PXDNL: variants seen among roughly 807,000 people sequenced by gnomAD.
PXDNL encodes the protein peroxidasin like.
PXDNL carries 145 observed loss-of-function variants against 150.8 expected under a neutral mutation model. The observed-to-expected ratio is 0.96, with a 90% confidence interval of 0.84 to 1.10. The LOEUF (loss-of-function observed/expected upper bound fraction) is 1.10, where lower values mean the gene tolerates loss of function less well. Ranked by LOEUF, PXDNL falls within the 50% of genes least tolerant of loss-of-function variation. PXDNL has a pLI of 0.00. For missense variants in PXDNL, 2,087 were observed against 1,873.9 expected (o/e 1.11, Z -2.10); for synonymous variants, 757 against 725.7 (o/e 1.04, Z -0.69).
chr8:51,686,072 C>A (rs1815865740), intron 1 of PXDNL, among the ~76,000 whole-genome samples: 1 of 152,214 alleles, frequency 6.6e-6, no homozygotes, highest in African/African-American at 2.4e-5. Flanking sequence ...CATCCTCTGC[C>A]ACTAATATTC....
intron 4 of PXDNL, among the ~76,000 whole-genome samples, chr8:51,531,655 G>A (rs1208582487): frequency 2.0e-5 from 3 of 152,208 alleles, no homozygotes; most frequent in South Asian, 4.1e-4. Flanking sequence ...CTGCTGTGTT[G>A]TATGTAAACC....
chr8:51,527,303 G>T (rs999322584), intron 4 of PXDNL, among the ~76,000 whole-genome samples: 1 of 152,024 alleles, frequency 6.6e-6, no homozygotes, highest in African/African-American at 2.4e-5. Flanking sequence ...CCTACCTGCC[G>T]TGTTTTCATG....
intron 2 of PXDNL, among the ~76,000 whole-genome samples, chr8:51,596,838 T>C (rs1813580169): frequency 6.6e-6 from 1 of 152,196 alleles, no homozygotes. Flanking sequence ...GTAGATATTT[T>C]CTCCCATTCT....
intron 1 of PXDNL, among the ~76,000 whole-genome samples, chr8:51,774,526 G>T (rs1291272739): frequency 2.0e-5 from 3 of 152,110 alleles, no homozygotes; most frequent in African/African-American, 7.2e-5. Context: ...GCTTAAAAAG[G>T]TAAATTAGGG....
intron 1 of PXDNL, among the ~76,000 whole-genome samples, chr8:51,689,624 T>C (rs774371492): frequency 6.6e-6 from 1 of 152,028 alleles, no homozygotes; most frequent in Non-Finnish European, 1.5e-5. Flanking sequence ...CCCACCCCAG[T>C]GCGCCCTATG....
intron 21 of PXDNL, among the ~76,000 whole-genome samples, chr8:51,325,014 C>G (rs1403690142): frequency 6.6e-6 from 1 of 152,156 alleles, no homozygotes. Flanking sequence ...TACAGGCATG[C>G]ACCACCACAC....
chr8:51,720,125 A>G lies in PXDNL; in HGVS notation c.165-65365T>C, dbSNP rs146503231. ...AAACCTCAGTAATAAAAGAAAATAC[A>G]GTATTTTCTTTTTTATAATAAAAAT... On this transcript the variant is annotated intron_variant, in intron 1 of 22. Transcript: ENST00000356297. 9.4e-3 allele frequency among the ~76,000 whole-genome samples: 1,433 copies of G among 151,998 alleles called. 29 individuals carry two copies. Among genetic ancestry groups the G allele is most frequent in the African/African-American group, 0.032 (1,345 of 41,522 alleles).
intron 1 of PXDNL, among the ~76,000 whole-genome samples, chr8:51,796,989 C>T (rs1221999950): frequency 3.9e-5 from 6 of 152,154 alleles, no homozygotes; most frequent in Admixed American, 2.6e-4. Flanking sequence ...ATCAAGTTGG[C>T]ATCATCCCCA....
intron 16 of PXDNL, among the ~76,000 whole-genome samples, chr8:51,410,811 A>C (rs1484720545): frequency 1.3e-5 from 2 of 152,196 alleles, no homozygotes; most frequent in African/African-American, 4.8e-5. Flanking sequence ...AACAACAAAA[A>C]AACAAAAATC....
intron 2 of PXDNL, among the ~76,000 whole-genome samples, chr8:51,594,562 C>A (rs1379065272): frequency 6.6e-6 from 1 of 152,116 alleles, no homozygotes; most frequent in Non-Finnish European, 1.5e-5. Context: ...AAAAAAATTA[C>A]ACTGAAATTA....
chr8:51,334,500 A>C (rs1056203349), intron 21 of PXDNL, among the ~76,000 whole-genome samples: 1 of 152,184 alleles, frequency 6.6e-6, no homozygotes, highest in Non-Finnish European at 1.5e-5. Flanking sequence ...TCAAAACTAA[A>C]AAAAGTACAA....
intron 5 of PXDNL, among the ~76,000 whole-genome samples, chr8:51,497,625 C>T (rs7832472): frequency 0.32 from 48,767 of 151,794 alleles, 8,712 homozygotes; most frequent in African/African-American, 0.47. Context: ...GTGAAGGACA[C>T]GAACAGACAC....
At chr8:51,643,384 T>C (rs1343202271) in intron 2 of PXDNL, among the ~76,000 whole-genome samples, 1 of 152,034 alleles carries the variant, frequency 6.6e-6, no homozygotes, top group African/African-American at 2.4e-5. Flanking sequence ...TCAGAAATAA[T>C]ACCACACATC....
chr8:51,613,066 G>C (rs16916601), intron 2 of PXDNL, among the ~76,000 whole-genome samples: 78,022 of 151,960 alleles, frequency 0.51, 24,637 homozygotes, highest in Non-Finnish European at 0.7. Context: ...TGCAGATAGG[G>C]AGAGGAAGCA....
chr8:51,426,188 TG>T (rs1381613281), intron 13 of PXDNL, among the ~76,000 whole-genome samples: 2 of 152,202 alleles, frequency 1.3e-5, no homozygotes, highest in Non-Finnish European at 2.9e-5. Flanking sequence ...AAGGAGCTAT[TG>T]TTTTTTTAAA....
At chr8:51,527,258 C>A (rs1811788895) in intron 4 of PXDNL, among the ~76,000 whole-genome samples, 1 of 151,182 alleles carries the variant, frequency 6.6e-6, no homozygotes, top group South Asian at 2.1e-4. Context: ...TCACACACCC[C>A]CTTCCTACCT....
At chr8:51,761,025 A>ATTTTTTTTTTT (rs71237238) in intron 1 of PXDNL, among the ~76,000 whole-genome samples, 71 of 114,432 alleles carry the variant, frequency 6.2e-4, no homozygotes, top group African/African-American at 1.9e-3. Context: ...CGCCCGGCTA[A>ATTTTTTTTTTT]TTTTTTTTTT....
chr8:51,552,709 C>A (rs1812519741), intron 4 of PXDNL, among the ~76,000 whole-genome samples: 1 of 152,184 alleles, frequency 6.6e-6, no homozygotes. Context: ...GGATCAAAGA[C>A]TACACATTGG....
intron 21 of PXDNL, among the ~76,000 whole-genome samples, chr8:51,336,642 C>T (rs939223690): frequency 2.0e-5 from 3 of 152,168 alleles, no homozygotes; most frequent in Admixed American, 2.0e-4. Context: ...TGCTATCTAT[C>T]CTGGGTTCTT....
Sources: gnomAD v4.1 joint callset for allele counts (sites outside exome capture counted in the v4.1 genomes callset) on GRCh38, gnomAD v4.1.1 for gene constraint, MANE v1.5 for transcripts, NCBI Gene and HGNC (gene_info 2026-07-23, HGNC 2026-07-21) for gene names.